ADAM29: variants seen among roughly 807,000 people sequenced by gnomAD.
ADAM29 encodes the protein disintegrin and metalloproteinase domain-containing protein 29.
For synonymous variants in ADAM29, 367 were observed against 342.3 expected, an observed-to-expected ratio of 1.07 and a Z score of -0.80; for missense variants, 969 against 1,001.8, an observed-to-expected ratio of 0.97 and a Z score of 0.44.
chr4:174,948,278 A>G (rs943362830), intron 4 of ADAM29, among the ~76,000 whole-genome samples: 9 of 152,092 alleles, frequency 5.9e-5, no homozygotes, highest in African/African-American at 2.2e-4. Context: ...GTTCTTTCTT[A>G]TCTGTCTGGG....
chr4:174,919,246 A>C (rs545257251), intron 1 of ADAM29, among the ~76,000 whole-genome samples: 1 of 152,222 alleles, frequency 6.6e-6, no homozygotes, highest in East Asian at 1.9e-4. Flanking sequence ...CAAGGAGGTA[A>C]ATTTCTCTTT....
chr4:174,970,417 A>G (rs2111097907), intron 4 of ADAM29, among the ~76,000 whole-genome samples: 1 of 152,254 alleles, frequency 6.6e-6, no homozygotes, highest in East Asian at 1.9e-4. Flanking sequence ...ATGAAGTGAT[A>G]TGAGAATGAT....
rs746169282 is a variant in ADAM29, at chr4:174,977,265, G to A, written c.1740G>A (p.Met580Ile). 1.9e-6 allele frequency: 3 copies of A among 1,613,858 alleles called. No homozygotes were observed. The highest frequency in any genetic ancestry group is 3.3e-5 in the Admixed American group (2 of 60,006). The change falls in exon 5 of 5, where the codon ATG becomes ATA. Residue 580 changes from methionine to isoleucine, a missense_variant. By Grantham distance (10) the Met-to-Ile change is conservative. Coordinates refer to ENST00000359240, the MANE Select transcript of ADAM29 (RefSeq NM_014269.4). The part of the protein sequence containing the change: ...TVHWARFNDI[M>I]CWSTDYHLGM... ...ATTGGGCTCGCTTCAATGACATAAT[G>A]TGCTGGAGTACTGATTACCATTTGG... is the stretch of plus-strand genomic sequence containing the variant.
intron 3 of ADAM29, among the ~76,000 whole-genome samples, chr4:174,935,191 T>A (rs1308428317): frequency 3.3e-5 from 5 of 152,148 alleles, no homozygotes; most frequent in African/African-American, 9.6e-5. Flanking sequence ...GATCTCTCTG[T>A]TGTCAGTTCT....
At chr4:174,956,122 G>A (rs1008187367) in intron 4 of ADAM29, among the ~76,000 whole-genome samples, 1 of 151,856 alleles carries the variant, frequency 6.6e-6, no homozygotes, top group African/African-American at 2.4e-5. Context: ...TATCCCTTTG[G>A]TACTTGAAGT....
At chr4:174,950,587 C>A (rs1745110536) in intron 4 of ADAM29, among the ~76,000 whole-genome samples, 1 of 152,176 alleles carries the variant, frequency 6.6e-6, no homozygotes, top group Admixed American at 6.5e-5. Context: ...ACATTGCTTA[C>A]AAGTAATGAT....
At chr4:174,930,390 C>G (rs996022069) in intron 2 of ADAM29, among the ~76,000 whole-genome samples, 52 of 152,236 alleles carry the variant, frequency 3.4e-4, no homozygotes, top group African/African-American at 1.2e-3. Flanking sequence ...CTCTGAGTAA[C>G]TTGAGTTCAT....
At chr4:174,929,736 A>C (rs1357294702) in intron 2 of ADAM29, among the ~76,000 whole-genome samples, 1 of 138,156 alleles carries the variant, frequency 7.2e-6, no homozygotes, top group Non-Finnish European at 1.5e-5. Context: ...CCTTCACTCT[A>C]TCTCTCACAT....
At chr4:174,935,926 G>A (rs1486054633) in intron 3 of ADAM29, among the ~76,000 whole-genome samples, 1 of 151,968 alleles carries the variant, frequency 6.6e-6, no homozygotes, top group Non-Finnish European at 1.5e-5. Flanking sequence ...GTTTGCACTG[G>A]TAGAAACATA....
chr4:174,957,172 A>C (rs1368363830), intron 4 of ADAM29, among the ~76,000 whole-genome samples: 1 of 151,888 alleles, frequency 6.6e-6, no homozygotes, highest in African/African-American at 2.4e-5. Flanking sequence ...ATCTGGACAA[A>C]CAGTTCAATG....
rs1235908971 is a variant in ADAM29 at position 174,976,925 on chromosome 4, G to T, written c.1400G>T (p.Trp467Leu). Residue 467 changes from tryptophan (W) to leucine (L), a missense_variant, in exon 5 of 5, where the codon TGG (tryptophan) becomes TTG (leucine). By Grantham distance (61) the Trp-to-Leu change is moderately conservative. Transcript: ENST00000359240. ...KEVNECDLPE[W>L]CNGTSHKCPD... ...GTCAATGAATGTGATCTTCCAGAGT[G>T]GTGCAATGGTACTTCCCATAAGTGC... 6.2e-7 allele frequency: 1 copy of T among 1,613,980 alleles called. No individual in the cohort carries two copies. The highest frequency in any genetic ancestry group is 8.5e-7 in the Non-Finnish European group (1 of 1,180,012).
intron 4 of ADAM29, among the ~76,000 whole-genome samples, chr4:174,965,908 C>A (rs1355422059): frequency 6.6e-6 from 1 of 152,190 alleles, no homozygotes; most frequent in Non-Finnish European, 1.5e-5. Context: ...TGGTCCACAG[C>A]ATTGGGCCCT....
intron 2 of ADAM29, among the ~76,000 whole-genome samples, chr4:174,921,606 T>C (rs1743169201): frequency 6.6e-6 from 1 of 152,212 alleles, no homozygotes; most frequent in Non-Finnish European, 1.5e-5. Context: ...GATATCCACC[T>C]TAAGGATAGT....
chr4:174,923,572 T>C (rs1346050909), intron 2 of ADAM29, among the ~76,000 whole-genome samples: 2 of 132,484 alleles, frequency 1.5e-5, no homozygotes, highest in Non-Finnish European at 1.6e-5. Context: ...CACACACACA[T>C]ATATATCTTT....
rs982946935 is a variant in ADAM29 at position 174,963,601 on chromosome 4, TAA to T, written c.-180-11744_-180-11743del. 1.2e-3 allele frequency among the ~76,000 whole-genome samples: 185 copies of T among 152,358 alleles called. 1 individual carries two copies. Among genetic ancestry groups the T allele is most frequent in the African/African-American group, 4.2e-3 (173 of 41,588 alleles). ...TCCTCACTACTTTAAATATATATTTTAAGTTTTATTAAAATTTTGTATAGTAT... is the reference window on the plus strand; with the variant it reads ...TCCTCACTACTTTAAATATATATTTTGTTTTATTAAAATTTTGTATAGTAT... On this transcript the variant is annotated intron_variant, in intron 4 of 4. Transcript: ENST00000359240.
intron 3 of ADAM29, among the ~76,000 whole-genome samples, chr4:174,935,906 C>T (rs189400606): frequency 1.1e-4 from 17 of 152,046 alleles, no homozygotes; most frequent in South Asian, 4.1e-4. Context: ...AGTTTGCTTA[C>T]GAGAATTATG....
At chr4:174,964,106 T>C (rs762353950) in intron 4 of ADAM29, among the ~76,000 whole-genome samples, 8 of 152,256 alleles carry the variant, frequency 5.3e-5, no homozygotes, top group Non-Finnish European at 8.8e-5. Context: ...CTATAAATTA[T>C]GTATGGTTTG....
At chr4:174,967,590 G>A (rs72996958) in intron 4 of ADAM29, among the ~76,000 whole-genome samples, 4 of 152,182 alleles carry the variant, frequency 2.6e-5, no homozygotes, top group African/African-American at 9.6e-5. Context: ...TGATGAAAGG[G>A]GAAACACTGC....
chr4:174,969,831 C>T (rs1015573920), intron 4 of ADAM29, among the ~76,000 whole-genome samples: 2 of 151,888 alleles, frequency 1.3e-5, no homozygotes, highest in African/African-American at 4.8e-5. Flanking sequence ...CATATTTTTA[C>T]TATTATAAAT....
Sources: allele counts gnomAD v4.1 joint callset (sites outside exome capture counted in the v4.1 genomes callset), GRCh38; gene constraint gnomAD v4.1.1; transcripts MANE v1.5; gene names NCBI Gene and HGNC (gene_info 2026-07-23, HGNC 2026-07-21).